SIPA1L1: variants seen among roughly 807,000 people sequenced by gnomAD.
The protein encoded by SIPA1L1 is signal-induced proliferation-associated 1-like protein 1.
A neutral mutation model predicts 162.7 loss-of-function variants in SIPA1L1; 26 were observed. The observed-to-expected ratio is 0.16, with a 90% CI of 0.12 to 0.22. The LOEUF is 0.22. Among genes scored for constraint, SIPA1L1 ranks in the 10% least tolerant of loss-of-function variants. SIPA1L1 has a pLI of 1.00. For synonymous variants in SIPA1L1, 829 were observed against 837.4 expected, an observed-to-expected ratio of 0.99 and a Z score of 0.17; for missense variants, 1,874 against 2,241.0, an observed-to-expected ratio of 0.84 and a Z score of 3.31.
chr14:71,738,960 G>T lies in SIPA1L1; in HGVS notation c.5209-58G>T. On this transcript the variant is annotated intron_variant, in intron 23 of 23. Transcript: ENST00000381232. ...ACGGGTCCATAGCTATTACTCAGAA[G>T]AGCTGGGCAAGGTGGGGCCAACACC... The T allele has an allele frequency of 2.5e-6, 4 of 1,569,642 alleles. No individual in the cohort carries two copies. In the South Asian group the frequency reaches 4.6e-5, roughly 18 times the overall value.
In SIPA1L1 at chr14:71,611,440, G is replaced by A. The variant is rs113700013; in HGVS notation, c.1499-7317G>A. Reference sequence around the variant, plus strand: ...GTTATGTTCTAGGATACATGTGCAGGACGTGCAGGTTTGTTACATAGGTGT... The same window carrying A: ...GTTATGTTCTAGGATACATGTGCAGAACGTGCAGGTTTGTTACATAGGTGT... On this transcript the variant is annotated intron_variant, in intron 5 of 23. Transcript: ENST00000381232. Among the ~76,000 whole-genome samples, 1,114 of 147,398 alleles carry A rather than the reference G, an allele frequency of 7.6e-3. 8 individuals carry two copies. The highest frequency in any genetic ancestry group is 0.024 in the African/African-American group (878 of 37,104).
At chr14:71,465,703 A>C (rs1310997135) in intron 2 of SIPA1L1, among the ~76,000 whole-genome samples, 1 of 152,180 alleles carries the variant, frequency 6.6e-6, no homozygotes, top group Non-Finnish European at 1.5e-5. Flanking sequence ...CTTGGTACCA[A>C]AATCTGTATT....
intron 2 of SIPA1L1, among the ~76,000 whole-genome samples, chr14:71,405,927 A>G (rs575528595): frequency 1.3e-5 from 2 of 152,316 alleles, no homozygotes; most frequent in East Asian, 3.9e-4. Flanking sequence ...AAGCAGGGGA[A>G]TAGTAAGATG....
chr14:71,707,143 A>T, intron 16 of SIPA1L1, among the ~76,000 whole-genome samples: 1 of 151,102 alleles, frequency 6.6e-6, no homozygotes, highest in Non-Finnish European at 1.5e-5. Flanking sequence ...ACGCACACAC[A>T]CACGCACACA....
chr14:71,609,330 A>G lies in SIPA1L1; in HGVS notation c.1499-9427A>G, dbSNP rs185763759. On this transcript the variant is annotated intron_variant, in intron 5 of 23. Coordinates refer to ENST00000381232, the MANE Select transcript of SIPA1L1 (RefSeq NM_001386936.1). Reference sequence around the variant, plus strand: ...GTCACCCAGGCTGGAGTGTAGTGGCATAATCACAGCTCACTGCCACCTTGA... The same window carrying G: ...GTCACCCAGGCTGGAGTGTAGTGGCGTAATCACAGCTCACTGCCACCTTGA... Among the ~76,000 whole-genome samples, 524 of 152,066 alleles carry G rather than the reference A, an allele frequency of 3.4e-3. 4 individuals carry two copies. The highest frequency in any genetic ancestry group is 0.012 in the African/African-American group (493 of 41,486).
chr14:71,461,559 G>A (rs1361515418), intron 2 of SIPA1L1, among the ~76,000 whole-genome samples: 1 of 152,092 alleles, frequency 6.6e-6, no homozygotes, highest in Admixed American at 6.5e-5. Flanking sequence ...CACTCAGAGG[G>A]GTCCATCCAC....
At position 71,702,451 on chromosome 14, in the gene SIPA1L1, G is replaced by T; in HGVS notation, c.3592G>T (p.Gly1198Ter). 1 of 1,614,164 alleles carries T rather than the reference G, an allele frequency of 6.2e-7. No individual in the cohort carries two copies. The highest frequency in any genetic ancestry group is 8.5e-7 in the Non-Finnish European group (1 of 1,180,002). Residue 1198 changes from glycine (G) to a stop codon, truncating the protein, a stop_gained, in exon 15 of 24, where the codon GGA becomes TGA. Transcript: ENST00000381232. LOFTEE classifies it high-confidence loss of function. ...QNTQSDIGGS[G>*]KSTPSWQRSE... ...CACCCAGTCAGATATTGGTGGCAGC[G>T]GAAAATCCACGCCTAGCTGGCAAAG...
chr14:71,510,855 G>A (rs925056444), intron 2 of SIPA1L1, among the ~76,000 whole-genome samples: 6 of 152,164 alleles, frequency 3.9e-5, no homozygotes, highest in African/African-American at 1.4e-4. Context: ...TACGGGCCTT[G>A]ACAGCTCAGC....
At position 71,555,585 on chromosome 14, in the gene SIPA1L1, T is replaced by C. The variant is rs2056282867; in HGVS notation, c.-303+26215T>C. On this transcript the variant is annotated intron_variant, in intron 4 of 23. Coordinates refer to ENST00000381232, the MANE Select transcript of SIPA1L1 (RefSeq NM_001386936.1). ...TACTTTTAATTTTCTTCAAAAACTT[T>C]TCCTTTGCATTCACAACTTGGCTAA... Among the ~76,000 whole-genome samples, 3 of 152,236 alleles carry C rather than the reference T, an allele frequency of 2.0e-5. No individual in the cohort carries two copies. In the South Asian group the frequency reaches 6.2e-4, roughly 31 times the overall value.
chr14:71,418,048 T>G (rs557335622), intron 2 of SIPA1L1: 9 of 152,338 alleles, frequency 5.9e-5, no homozygotes, highest in African/African-American at 2.2e-4. Flanking sequence ...GACTCTTTCG[T>G]ATTTACTAAT....
Position 71,584,470 on chromosome 14 carries a change from G to A in SIPA1L1, c.-302-3101G>A, listed in dbSNP as rs533205693. ...AGGAGGCATGACCCATGCATCCCCC[G>A]TCATCTTCTTACTTGTCTGTGTCTC... is the stretch of plus-strand genomic sequence containing the variant. On this transcript the variant is annotated intron_variant, in intron 4 of 23. Transcript: ENST00000381232. 3.3e-5 allele frequency among the ~76,000 whole-genome samples: 5 copies of A among 152,302 alleles called. No individual in the cohort carries two copies. In the South Asian group the frequency reaches 6.2e-4, roughly 19 times the overall value.
rs191518309 is a variant in SIPA1L1, at chr14:71,458,425, T to C, written c.-464-54318T>C. ...GTAACATTTTTGTCAAAACCTTTTT[T>C]GAGACTTGCTTCCATCAGAGTAACA... On this transcript the variant is annotated intron_variant, in intron 2 of 23. Coordinates refer to ENST00000381232, the MANE Select transcript of SIPA1L1 (RefSeq NM_001386936.1). Among the ~76,000 whole-genome samples, 270 of 152,326 alleles carry C rather than the reference T, an allele frequency of 1.8e-3. 3 individuals are homozygous for C. The highest frequency in any genetic ancestry group is 6.8e-3 in the Middle Eastern group (2 of 294).
intron 2 of SIPA1L1, among the ~76,000 whole-genome samples, chr14:71,395,658 C>G (rs2041130391): frequency 6.6e-6 from 1 of 152,200 alleles, no homozygotes; most frequent in Non-Finnish European, 1.5e-5. Context: ...AAGACCCTGT[C>G]TCTTGAAAAC....
In SIPA1L1 at chr14:71,730,208, A is replaced by AACG; in HGVS notation, c.4772_4774dup (p.Asp1591dup). 1 of 1,614,146 alleles carries AACG rather than the reference A, an allele frequency of 6.2e-7. No individual in the cohort carries two copies. The highest frequency in any genetic ancestry group is 8.5e-7 in the Non-Finnish European group (1 of 1,180,030). ...GTCACTTCTGGACCAAGCCCTGCCC[A>AACG]ACGACGTCCTCTTCAGTAGCACGTA... On this transcript the variant is annotated inframe_insertion, in exon 20 of 24. Coordinates refer to ENST00000381232, the MANE Select transcript of SIPA1L1 (RefSeq NM_001386936.1).
rs200314810 is a variant in SIPA1L1 at position 71,733,654 on chromosome 14, C to G, written c.4862-12C>G. The G allele has an allele frequency of 1.9e-6, 3 of 1,612,428 alleles. No homozygotes were observed. Among genetic ancestry groups the G allele is most frequent in the Non-Finnish European group, 2.5e-6 (3 of 1,179,446 alleles). ...GCACAAGAAGCATCTCATTCCTCCTCCCTTCCCGCAGGAGAGTTCTCAGCC... is the reference window on the plus strand; with the variant it reads ...GCACAAGAAGCATCTCATTCCTCCTGCCTTCCCGCAGGAGAGTTCTCAGCC... On this transcript the variant is annotated splice_polypyrimidine_tract_variant and intron_variant, in intron 20 of 23. Transcript: ENST00000381232.
chr14:71,486,565 C>T (rs549508626), intron 2 of SIPA1L1, among the ~76,000 whole-genome samples: 53 of 152,296 alleles, frequency 3.5e-4, no homozygotes, highest in Non-Finnish European at 6.6e-4. Flanking sequence ...ATACTTCTAT[C>T]GCTAAAGAAG....
intron 2 of SIPA1L1, among the ~76,000 whole-genome samples, chr14:71,468,682 CA>C (rs1425105848): frequency 6.6e-6 from 1 of 152,122 alleles, no homozygotes; most frequent in East Asian, 1.9e-4. Context: ...GGCACATATC[CA>C]AACCATGTCA....
chr14:71,463,519 A>G (rs1372007678), intron 2 of SIPA1L1, among the ~76,000 whole-genome samples: 1 of 152,186 alleles, frequency 6.6e-6, no homozygotes, highest in African/African-American at 2.4e-5. Flanking sequence ...ATGTCTGATC[A>G]TTTCCCTTTC....
intron 17 of SIPA1L1, among the ~76,000 whole-genome samples, chr14:71,713,596 G>T (rs2083040912): frequency 6.6e-6 from 1 of 152,188 alleles, no homozygotes. Flanking sequence ...TCAATTTCAT[G>T]AATGTGCTTT....
Sources: gnomAD v4.1 joint callset for allele counts (sites outside exome capture counted in the v4.1 genomes callset) on GRCh38, gnomAD v4.1.1 for gene constraint, MANE v1.5 for transcripts, NCBI Gene and HGNC (gene_info 2026-07-23, HGNC 2026-07-21) for gene names.